PCDHA10: variants seen among roughly 807,000 people sequenced by gnomAD.
PCDHA10 encodes protocadherin alpha-10.
PCDHA10 carries 45 observed loss-of-function variants against 61.2 expected under a neutral mutation model. The ratio of observed to expected loss-of-function variants is 0.74; its 90% CI spans 0.58 to 0.94. The LOEUF is 0.94. Among genes scored for constraint, PCDHA10 ranks in the 40% least tolerant of loss-of-function variants. PCDHA10 has a pLI of 0.00. For synonymous variants in PCDHA10, 602 were observed against 548.8 expected, an observed-to-expected ratio of 1.10 and a Z score of -1.35; for missense variants, 1,278 against 1,236.2, an observed-to-expected ratio of 1.03 and a Z score of -0.51.
At chr5:140,966,659 G>C in intron 1 of PCDHA10, 5 of 1,217,658 alleles carry the variant, frequency 4.1e-6, no homozygotes, top group Non-Finnish European at 5.3e-6. Context: ...AGCGGTGGGG[G>C]AGCAGGCGCA....
chr5:140,856,116 G>A lies in PCDHA10; in HGVS notation c.68G>A (p.Trp23Ter). 2 of 1,598,152 alleles carry A rather than the reference G, an allele frequency of 1.3e-6. No individual in the cohort carries two copies. Among genetic ancestry groups the A allele is most frequent in the African/African-American group, 2.7e-5 (2 of 74,410 alleles). Residue 23 changes from tryptophan to a stop codon, truncating the protein, a stop_gained, in exon 1 of 4, where the codon TGG becomes TAG. Transcript: ENST00000307360. LOFTEE classifies it high-confidence loss of function. Reference protein sequence around the residue: ...LLLSLLLLAAWEVGSGQLHYS... With the variant: ...LLLSLLLLAA ...CTCTCGCTTCTTCTCCTCGCAGCCTGGGAGGTGGGGAGCGGCCAGCTCCAC... is the reference window on the plus strand; with the variant it reads ...CTCTCGCTTCTTCTCCTCGCAGCCTAGGAGGTGGGGAGCGGCCAGCTCCAC...
chr5:140,877,150 G>A (rs370292278), intron 1 of PCDHA10: 11 of 1,613,672 alleles, frequency 6.8e-6, no homozygotes, highest in Admixed American at 3.3e-5. Context: ...GGACGAGAAC[G>A]ACAACGCGCC....
chr5:140,968,234 A>T (rs1426230655), intron 1 of PCDHA10: 1 of 1,613,870 alleles, frequency 6.2e-7, no homozygotes, highest in Non-Finnish European at 8.5e-7. Flanking sequence ...GTTGCTCTGT[A>T]CTGTGCAAGC....
chr5:140,924,901 A>AAT (rs145282866), intron 1 of PCDHA10, among the ~76,000 whole-genome samples: 9,116 of 79,802 alleles, frequency 0.11, 381 homozygotes, highest in Middle Eastern at 0.21. Context: ...TCTCAAAAAA[A>AAT]AAAATAAAAT....
At chr5:140,891,400 G>A (rs1220760247) in intron 1 of PCDHA10, among the ~76,000 whole-genome samples, 1 of 150,966 alleles carries the variant, frequency 6.6e-6, no homozygotes, top group Non-Finnish European at 1.5e-5. Flanking sequence ...TTTATCCCTC[G>A]CCACCCCCCA....
chr5:140,909,620 A>C (rs576090849), intron 1 of PCDHA10, among the ~76,000 whole-genome samples: 1 of 152,122 alleles, frequency 6.6e-6, no homozygotes. Flanking sequence ...GGCAGCTCTA[A>C]TTGGTCTTCC....
At position 140,883,293 on chromosome 5, in the gene PCDHA10, A is replaced by G. The variant is rs1324977852; in HGVS notation, c.2388+24857A>G. On this transcript the variant is annotated intron_variant, in intron 1 of 3. Coordinates refer to ENST00000307360, the MANE Select transcript of PCDHA10 (RefSeq NM_018901.4). ...TGTACCCTTTTGGTGGAAGTACTAGATGTAAATGATAACGCCCCAGAGGTT... is the reference window on the plus strand; with the variant it reads ...TGTACCCTTTTGGTGGAAGTACTAGGTGTAAATGATAACGCCCCAGAGGTT... 2 of 1,614,102 alleles carry G rather than the reference A, an allele frequency of 1.2e-6. No homozygotes were observed. Among genetic ancestry groups the G allele is most frequent in the Non-Finnish European group, 1.7e-6 (2 of 1,180,026 alleles).
At chr5:140,904,558 T>C (rs1288543737) in intron 1 of PCDHA10, among the ~76,000 whole-genome samples, 1 of 152,082 alleles carries the variant, frequency 6.6e-6, no homozygotes, top group Non-Finnish European at 1.5e-5. Flanking sequence ...ATAATGACTT[T>C]TTTTTCCTCT....
At position 140,924,761 on chromosome 5, in the gene PCDHA10, G is replaced by T. The variant is rs979984304; in HGVS notation, c.2389-54188G>T. On this transcript the variant is annotated intron_variant, in intron 1 of 3. Coordinates refer to ENST00000307360, the MANE Select transcript of PCDHA10 (RefSeq NM_018901.4). Reference sequence around the variant, plus strand: ...AATACAAAAATTAACCGAGCATGGTGGTGCGCGCTTGTAGTCCTAGCTACT... The same window carrying T: ...AATACAAAAATTAACCGAGCATGGTTGTGCGCGCTTGTAGTCCTAGCTACT... Among the ~76,000 whole-genome samples the T allele has an allele frequency of 5.3e-5, 8 of 151,864 alleles. No individual in the cohort carries two copies. The East Asian group carries it at 1.5e-3, about 29-fold the overall frequency.
intron 1 of PCDHA10, chr5:140,870,008 G>A (rs2051578395): frequency 1.2e-6 from 2 of 1,613,528 alleles, no homozygotes; most frequent in Non-Finnish European, 1.7e-6. Flanking sequence ...GGAGAAGTGA[G>A]GGTCAATGGA....
chr5:140,869,499 G>A, intron 1 of PCDHA10: 8 of 1,614,196 alleles, frequency 5.0e-6, no homozygotes, highest in Non-Finnish European at 5.9e-6. Context: ...ACCCGCCGGT[G>A]TTCTCGCTCA....
At chr5:140,928,277 C>A (rs2085098556) in intron 1 of PCDHA10, 2 of 1,614,156 alleles carry the variant, frequency 1.2e-6, no homozygotes, top group South Asian at 2.2e-5. Context: ...GGCCCTGGGG[C>A]CTCTCTAGGC....
intron 1 of PCDHA10, among the ~76,000 whole-genome samples, chr5:140,965,185 CAT>C (rs782612335): frequency 4.6e-5 from 7 of 152,138 alleles, no homozygotes; most frequent in Non-Finnish European, 1.0e-4. Flanking sequence ...TTTTTTTGCA[CAT>C]GAGGCAATAG....
chr5:140,939,729 G>A (rs1376988004), intron 1 of PCDHA10, among the ~76,000 whole-genome samples: 16 of 152,166 alleles, frequency 1.1e-4, no homozygotes, highest in Admixed American at 1.0e-3. Context: ...ATTGTTGTGT[G>A]TAGCTGTGTA....
chr5:140,923,529 A>C lies in PCDHA10; in HGVS notation c.2389-55420A>C, dbSNP rs915297152. Among the ~76,000 whole-genome samples the C allele has an allele frequency of 1.5e-4, 23 of 152,138 alleles. 1 individual carries two copies. The highest frequency in any genetic ancestry group is 1.2e-3 in the Admixed American group (19 of 15,268). On this transcript the variant is annotated intron_variant, in intron 1 of 3. Transcript: ENST00000307360. ...GGATGATGAAGTGAGATTCTGTCCC[A>C]AAAAAAGGACAAAATGAAATATCAG... is the stretch of plus-strand genomic sequence containing the variant.
chr5:140,901,681 T>C (rs144868677), intron 1 of PCDHA10, among the ~76,000 whole-genome samples: 8 of 152,316 alleles, frequency 5.3e-5, no homozygotes, highest in African/African-American at 1.7e-4. Context: ...TTAGGTATTA[T>C]GGGTATTTTG....
At position 140,857,849 on chromosome 5, in the gene PCDHA10, G is replaced by A. The variant is rs782556733; in HGVS notation, c.1801G>A (p.Gly601Arg). 6.3e-7 allele frequency: 1 copy of A among 1,597,964 alleles called. No individual in the cohort carries two copies. The highest frequency in any genetic ancestry group is 1.1e-5 in the South Asian group (1 of 90,496). ...AKVRAVDADS[G>R]YNAWLSYELQ... The stretch of plus-strand genomic sequence containing the variant: ...GGTGCGCGCAGTGGACGCTGACTCT[G>A]GATACAACGCGTGGCTGTCGTATGA... Residue 601 changes from glycine (G) to arginine (R), a missense_variant, in exon 1 of 4, where the codon GGA becomes AGA. Coordinates refer to ENST00000307360, the MANE Select transcript of PCDHA10 (RefSeq NM_018901.4).
At chr5:140,881,373 AGCCG>A in intron 1 of PCDHA10, 2 of 985,074 alleles carry the variant, frequency 2.0e-6, no homozygotes, top group Non-Finnish European at 2.4e-6. Flanking sequence ...TATGAATTGC[AGCCG>A]GCGGCGGTAA....
In PCDHA10 at chr5:141,010,369, G is replaced by A. The variant is rs963959073; in HGVS notation, c.*432G>A. The A allele has an allele frequency of 1.8e-4, 270 of 1,474,338 alleles. No homozygotes were observed. The highest frequency in any genetic ancestry group is 7.1e-5 in the Non-Finnish European group (79 of 1,109,414). 91.3% of individuals were successfully genotyped at this position (1,474,338 alleles called of 1,614,324 possible). On this transcript the variant is annotated 3_prime_UTR_variant, in exon 4 of 4. Transcript: ENST00000307360. ...GTATGTGTGGCTACCGCGGGTATGCGAGTGCCAGATATTGGCTGAGACGAG... is the reference window on the plus strand; with the variant it reads ...GTATGTGTGGCTACCGCGGGTATGCAAGTGCCAGATATTGGCTGAGACGAG...
Sources: gnomAD v4.1 joint callset for allele counts (sites outside exome capture counted in the v4.1 genomes callset) on GRCh38, gnomAD v4.1.1 for gene constraint, MANE v1.5 for transcripts, NCBI Gene and HGNC (gene_info 2026-07-23, HGNC 2026-07-21) for gene names.